MRGPRX3: variants seen among roughly 807,000 people sequenced by gnomAD.
MRGPRX3 encodes the protein mas-related G protein-coupled receptor member X3.
A neutral mutation model predicts 16.5 loss-of-function variants in MRGPRX3; 14 were observed. The ratio of observed to expected loss-of-function variants is 0.85; its 90% CI spans 0.56 to 1.33. The LOEUF (loss-of-function observed/expected upper bound fraction) is 1.33, where lower values mean the gene tolerates loss of function less well. MRGPRX3 is among the 40% of genes most tolerant of loss of function. The probability of loss-of-function intolerance (pLI) is 0.00; values close to 1 mark genes in which losing one functional copy is unlikely to be tolerated. For missense variants in MRGPRX3, 449 were observed against 413.0 expected, an observed-to-expected ratio of 1.09 and a Z score of -0.76; for synonymous variants, 199 against 180.1, an observed-to-expected ratio of 1.10 and a Z score of -0.84.
Position 18,137,761 on chromosome 11 carries a change from TTA to T in MRGPRX3, c.561_562del (p.Val189GlyfsTer75). 1 of 1,614,156 alleles carries T rather than the reference TTA, an allele frequency of 6.2e-7. No individual in the cohort carries two copies. Among genetic ancestry groups the T allele is most frequent in the Non-Finnish European group, 8.5e-7 (1 of 1,180,038 alleles). On this transcript the variant is annotated frameshift_variant, in exon 2 of 2. Coordinates refer to ENST00000621697, the MANE Select transcript of MRGPRX3 (RefSeq NM_001370464.1). LOFTEE classifies it high-confidence loss of function. ...DFITIAWLVFLCVVLCGSSLV... is the reference protein window; with the variant it reads ...DFITIAWLVFXCVVLCGSSLV... ...CATTACAATCGCGTGGCTGGTTTTT[TTA>T]TGTGTGGTTCTCTGTGGGTCCAGCC...
upstream of MRGPRX3, among the ~76,000 whole-genome samples, chr11:18,129,199 G>T (rs1156276727): frequency 6.6e-6 from 1 of 152,092 alleles, no homozygotes; most frequent in Admixed American, 6.5e-5. Flanking sequence ...GATCAGAGCA[G>T]AACTAATTGA....
At chr11:18,130,271 T>C (rs982169872), upstream of MRGPRX3, among the ~76,000 whole-genome samples, 1 of 152,116 alleles carries the variant, frequency 6.6e-6, no homozygotes, top group South Asian at 2.1e-4. Context: ...ATTGTATACC[T>C]AGAAAACCCT....
chr11:18,138,234 A>G lies in MRGPRX3; in HGVS notation c.*63A>G. 6.6e-7 allele frequency: 1 copy of G among 1,523,032 alleles called. No individual in the cohort carries two copies. Among genetic ancestry groups the G allele is most frequent in the Non-Finnish European group, 8.8e-7 (1 of 1,137,966 alleles). The allele number at this position is 1,523,032 out of a possible 1,614,324, so 94.3% of individuals were successfully genotyped here. A position where few individuals can be genotyped will look rare whatever the true frequency, so the allele number is the denominator to read the frequency against. ...CAATGCTGCCCTGCCACCCTTGACA[A>G]TTATATGCATTTTTCTTAGCCTTCT... On this transcript the variant is annotated 3_prime_UTR_variant, in exon 2 of 2. Coordinates refer to ENST00000621697, the MANE Select transcript of MRGPRX3 (RefSeq NM_001370464.1).
chr11:18,134,124 C>T (rs1421899736), intron 1 of MRGPRX3, among the ~76,000 whole-genome samples: 1 of 152,148 alleles, frequency 6.6e-6, no homozygotes. Context: ...TCTCTACTGT[C>T]ACTTTTATGC....
chr11:18,121,820 T>C (rs1265902512), intron 1 of MRGPRX3, among the ~76,000 whole-genome samples: 2 of 152,036 alleles, frequency 1.3e-5, no homozygotes, highest in Non-Finnish European at 2.9e-5. Flanking sequence ...TTAAGAGTCA[T>C]CACCACTCCC....
intron 1 of MRGPRX3, among the ~76,000 whole-genome samples, chr11:18,135,147 G>A (rs899294813): frequency 5.3e-5 from 8 of 152,104 alleles, no homozygotes; most frequent in Admixed American, 4.6e-4. Context: ...TAATTCTCTA[G>A]GCCTTAGCTT....
At chr11:18,128,925 C>T (rs556127969), upstream of MRGPRX3, among the ~76,000 whole-genome samples, 2 of 152,062 alleles carry the variant, frequency 1.3e-5, no homozygotes, top group Non-Finnish European at 2.9e-5. Flanking sequence ...CTTGGCTCCA[C>T]CCCCCTCCTG....
rs747702036 is a variant in MRGPRX3, at chr11:18,137,284, C to T, written c.82C>T (p.Leu28=). The change falls in exon 2 of 2, where the codon CTG becomes TTG. Residue 28 remains leucine (L), a synonymous_variant. Transcript: ENST00000621697. ...REETPCYKQT[L]SFTGLTCIVS... ...GGAGACTCCTTGCTACAAGCAGACC[C>T]TGAGCTTCACGGGGCTGACGTGCAT... is the stretch of plus-strand genomic sequence containing the variant. 20 of 1,614,026 alleles carry T rather than the reference C, an allele frequency of 1.2e-5. No homozygotes were observed. The Admixed American group carries it at 1.5e-4, about 12-fold the overall frequency.
At chr11:18,131,357 A>G (rs1431523139), upstream of MRGPRX3, among the ~76,000 whole-genome samples, 1 of 152,188 alleles carries the variant, frequency 6.6e-6, no homozygotes, top group Admixed American at 6.5e-5. Flanking sequence ...AAACAATCCC[A>G]TGAAAGAGTG....
Position 18,137,164 on chromosome 11 carries a change from GT to G in MRGPRX3, c.-25-11del. 1 of 1,549,208 alleles carries G rather than the reference GT, an allele frequency of 6.5e-7. No homozygotes were observed. Among genetic ancestry groups the G allele is most frequent in the Non-Finnish European group, 8.7e-7 (1 of 1,146,598 alleles). ...ATCAAACAGCTGGTGATCACATCTGGTTTCTGTTTCCAGGGTCATCAGACTG... is the reference window on the plus strand; with the variant it reads ...ATCAAACAGCTGGTGATCACATCTGGTTCTGTTTCCAGGGTCATCAGACTG... On this transcript the variant is annotated splice_polypyrimidine_tract_variant and intron_variant, in intron 1 of 1. Transcript: ENST00000621697.
intron 1 of MRGPRX3, among the ~76,000 whole-genome samples, chr11:18,126,542 G>A (rs1848897987): frequency 6.6e-6 from 1 of 152,110 alleles, no homozygotes; most frequent in African/African-American, 2.4e-5. Context: ...TGCACAATGT[G>A]CAGGTTTGTT....
intron 1 of MRGPRX3, among the ~76,000 whole-genome samples, chr11:18,134,474 T>A (rs2134084696): frequency 1.3e-5 from 2 of 152,328 alleles, no homozygotes; most frequent in East Asian, 3.9e-4. Flanking sequence ...CTAAATAACT[T>A]TAAATGATTT....
intron 1 of MRGPRX3, among the ~76,000 whole-genome samples, chr11:18,136,242 T>C (rs1468382164): frequency 6.6e-6 from 1 of 152,176 alleles, no homozygotes; most frequent in Non-Finnish European, 1.5e-5. Context: ...CCTGCTGCAG[T>C]GGCACTCAGG....
Position 18,138,344 on chromosome 11 carries a change from G to A in MRGPRX3, c.*173G>A. The A allele has an allele frequency of 6.3e-6, 6 of 958,110 alleles. No individual in the cohort carries two copies. Among genetic ancestry groups the A allele is most frequent in the Non-Finnish European group, 3.0e-6 (2 of 657,424 alleles). The allele number at this position is 958,110 out of a possible 1,614,324, so 59.4% of individuals were successfully genotyped here. ...CAGTTGCAGTTTTCACCCATGGAAA[G>A]CATTAGTCTGACAGTACAATGTTTG... On this transcript the variant is annotated 3_prime_UTR_variant, in exon 2 of 2. Transcript: ENST00000621697.
At chr11:18,131,054 A>T (rs1355960245), upstream of MRGPRX3, among the ~76,000 whole-genome samples, 1 of 152,230 alleles carries the variant, frequency 6.6e-6, no homozygotes, top group East Asian at 1.9e-4. Flanking sequence ...CAAAGACTTA[A>T]ATCTGAGACC....
chr11:18,136,955 C>T (rs1364928344), intron 1 of MRGPRX3, among the ~76,000 whole-genome samples: 2 of 152,150 alleles, frequency 1.3e-5, no homozygotes, highest in Admixed American at 6.5e-5. Context: ...ATCCCCATGT[C>T]AGCACAGAAC....
At chr11:18,134,382 A>C (rs1848989705) in intron 1 of MRGPRX3, among the ~76,000 whole-genome samples, 1 of 152,242 alleles carries the variant, frequency 6.6e-6, no homozygotes, top group South Asian at 2.1e-4. Context: ...GAACAGGTAC[A>C]AACTTGTATT....
intron 1 of MRGPRX3, among the ~76,000 whole-genome samples, chr11:18,127,130 C>T (rs1369884116): frequency 4.6e-5 from 7 of 152,154 alleles, no homozygotes; most frequent in Admixed American, 2.0e-4. Flanking sequence ...GAGTTTCTGC[C>T]GAGAGATCCA....
intron 1 of MRGPRX3, among the ~76,000 whole-genome samples, chr11:18,121,601 G>A (rs927832693): frequency 6.6e-5 from 10 of 152,362 alleles, no homozygotes; most frequent in African/African-American, 9.6e-5. Flanking sequence ...GATGGTTGCC[G>A]TGTCTGTGTG....
Sources: gnomAD v4.1 joint callset for allele counts (sites outside exome capture counted in the v4.1 genomes callset) on GRCh38, gnomAD v4.1.1 for gene constraint, MANE v1.5 for transcripts, NCBI Gene and HGNC (gene_info 2026-07-23, HGNC 2026-07-21) for gene names.